Variants in PON3 observed in about 807,000 individuals in gnomAD.
PON3 encodes paraoxonase 3, also known as serum paraoxonase/lactonase 3.
In PON3, 37 loss-of-function variants were observed where a neutral mutation model predicts 36.3. The observed-to-expected ratio is 1.02, with a 90% CI of 0.78 to 1.34. The LOEUF (loss-of-function observed/expected upper bound fraction) is 1.34. Among genes scored for constraint, PON3 ranks in the 40% most tolerant of loss-of-function variants. The pLI is 0.00. For missense variants in PON3, 415 were observed against 426.5 expected (o/e 0.97, Z 0.24); for synonymous variants, 155 against 154.8 (o/e 1.00, Z -0.01).
chr7:95,384,102 G>A (rs55739312), intron 3 of PON3, among the ~76,000 whole-genome samples: 1 of 152,274 alleles, frequency 6.6e-6, no homozygotes, highest in South Asian at 2.1e-4. Flanking sequence ...AAGAAATGGG[G>A]AAAGGATTCC....
At chr7:95,391,365 T>C (rs1238544392) in intron 2 of PON3, among the ~76,000 whole-genome samples, 1 of 152,166 alleles carries the variant, frequency 6.6e-6, no homozygotes, top group Non-Finnish European at 1.5e-5. Context: ...AAAGTCCTAC[T>C]GAAGTATTCA....
At chr7:95,377,539 C>T (rs867779901) in intron 3 of PON3, 1 of 424,936 alleles carries the variant, frequency 2.4e-6, no homozygotes, top group Middle Eastern at 7.6e-4. Context: ...ATACCTCATA[C>T]AGGCGGATGC....
chr7:95,360,892 T>C (rs1292814665), intron 8 of PON3, among the ~76,000 whole-genome samples: 1 of 152,180 alleles, frequency 6.6e-6, no homozygotes, highest in African/African-American at 2.4e-5. Flanking sequence ...TCAGGTTTGT[T>C]AGACAAAAAT....
Position 95,363,144 on chromosome 7 carries a change from C to T in PON3, c.696-303G>A, listed in dbSNP as rs116525185. Among the ~76,000 whole-genome samples, 440 of 151,874 alleles carry T rather than the reference C, an allele frequency of 2.9e-3. 4 individuals are homozygous for T. Among genetic ancestry groups the T allele is most frequent in the African/African-American group, 9.9e-3 (412 of 41,414 alleles). On this transcript the variant is annotated intron_variant, in intron 6 of 8. Transcript: ENST00000265627. Reference sequence around the variant, plus strand: ...AAATTGAATGAAGGTAAGTGGATCTCTTACAAGGCCAAAAGTGTATATACT... The same window carrying T: ...AAATTGAATGAAGGTAAGTGGATCTTTTACAAGGCCAAAAGTGTATATACT...
In PON3 at chr7:95,384,539, G is replaced by A. The variant is rs530176126; in HGVS notation, c.201+5615C>T. Among the ~76,000 whole-genome samples the A allele has an allele frequency of 3.9e-5, 6 of 152,240 alleles. 1 individual carries two copies. Among genetic ancestry groups the A allele is most frequent in the Admixed American group, 1.3e-4 (2 of 15,288 alleles). On this transcript the variant is annotated intron_variant, in intron 3 of 8. Transcript: ENST00000265627. Reference sequence around the variant, plus strand: ...AACACCCCACCAAAAAGTGGGCAACGGATATGAACAGACACTTCTCAAAAG... The same window carrying A: ...AACACCCCACCAAAAAGTGGGCAACAGATATGAACAGACACTTCTCAAAAG...
intron 2 of PON3, among the ~76,000 whole-genome samples, chr7:95,393,547 A>G (rs1809365241): frequency 6.6e-6 from 1 of 152,176 alleles, no homozygotes; most frequent in Non-Finnish European, 1.5e-5. Flanking sequence ...GGAGCTGTGG[A>G]GCCCAAATAA....
chr7:95,387,705 G>A (rs1809228882), intron 3 of PON3, among the ~76,000 whole-genome samples: 1 of 152,164 alleles, frequency 6.6e-6, no homozygotes, highest in Non-Finnish European at 1.5e-5. Flanking sequence ...CAAAGCTGGA[G>A]GCATCATTGC....
chr7:95,374,649 A>T (rs1193667651), intron 3 of PON3, among the ~76,000 whole-genome samples: 1 of 152,184 alleles, frequency 6.6e-6, no homozygotes, highest in Non-Finnish European at 1.5e-5. Flanking sequence ...TGAAGTTAGT[A>T]TTCCACTCCC....
chr7:95,379,870 C>T (rs562616864), intron 3 of PON3, among the ~76,000 whole-genome samples: 306 of 152,262 alleles, frequency 2.0e-3, no homozygotes, highest in Non-Finnish European at 3.7e-3. Flanking sequence ...TCTCCCAGCA[C>T]GCAGCTTGAG....
At chr7:95,390,751 T>C (rs1026084447) in intron 2 of PON3, among the ~76,000 whole-genome samples, 1 of 152,134 alleles carries the variant, frequency 6.6e-6, no homozygotes, top group Non-Finnish European at 1.5e-5. Context: ...AATATGAAAG[T>C]TTAGTTAGAT....
chr7:95,396,148 G>A (rs1809427388), intron 1 of PON3, 129 bp downstream of exon 1: 2 of 986,776 alleles, frequency 2.0e-6, no homozygotes, highest in African/African-American at 3.2e-5. Flanking sequence ...TTTGCTGGGT[G>A]AGATGGAGGA....
At chr7:95,362,644 T>A in intron 7 of PON3, 116 bp downstream of exon 7, 1 of 1,371,912 alleles carries the variant, frequency 7.3e-7, no homozygotes, top group East Asian at 2.3e-5. Flanking sequence ...ATGCATAATC[T>A]CACTGGCATT....
chr7:95,372,118 T>C, intron 4 of PON3, 55 bp downstream of exon 4: 2 of 1,548,388 alleles, frequency 1.3e-6, no homozygotes, highest in South Asian at 1.1e-5. Context: ...GGGCTGGAGA[T>C]AAATGGTTTC....
intron 3 of PON3, among the ~76,000 whole-genome samples, chr7:95,387,749 T>C (rs1362478878): frequency 1.3e-5 from 2 of 152,192 alleles, no homozygotes; most frequent in African/African-American, 4.8e-5. Context: ...AAGGCTACAG[T>C]AACCAAAACA....
intron 3 of PON3, among the ~76,000 whole-genome samples, chr7:95,375,182 T>A (rs1808887454): frequency 6.6e-6 from 1 of 151,716 alleles, no homozygotes; most frequent in Admixed American, 6.6e-5. Flanking sequence ...CATAACCAAT[T>A]TGTCACCAAG....
intron 3 of PON3, among the ~76,000 whole-genome samples, chr7:95,380,249 G>A (rs918437687): frequency 2.0e-5 from 3 of 152,072 alleles, no homozygotes; most frequent in Admixed American, 2.0e-4. Context: ...ACAAAGATGG[G>A]GAAAAAACAG....
intron 3 of PON3, among the ~76,000 whole-genome samples, chr7:95,383,736 C>G (rs1223309348): frequency 6.6e-6 from 1 of 152,196 alleles, no homozygotes; most frequent in Admixed American, 6.5e-5. Context: ...ATTCCATGCT[C>G]ATGAATAGGA....
At chr7:95,390,734 G>C (rs1013242058) in intron 2 of PON3, among the ~76,000 whole-genome samples, 4 of 152,134 alleles carry the variant, frequency 2.6e-5, no homozygotes, top group Non-Finnish European at 5.9e-5. Context: ...AAAGATTACT[G>C]AATATTAATA....
intron 4 of PON3, among the ~76,000 whole-genome samples, chr7:95,370,461 GAAGTA>G (rs1188382552): frequency 3.3e-5 from 5 of 152,156 alleles, no homozygotes; most frequent in Admixed American, 6.6e-5. Context: ...TTTATTTCGA[GAAGTA>G]AAGACACCAT....
Sources: allele counts gnomAD v4.1 joint callset (sites outside exome capture counted in the v4.1 genomes callset), GRCh38; gene constraint gnomAD v4.1.1; transcripts MANE v1.5; gene names NCBI Gene and HGNC (gene_info 2026-07-23, HGNC 2026-07-21).